Variants in RNF2 observed in about 807,000 individuals in gnomAD.
RNF2 encodes ring finger protein 2, also known as E3 ubiquitin-protein ligase RING2.
A neutral mutation model predicts 37.2 loss-of-function variants in RNF2; 6 were observed. The ratio of observed to expected loss-of-function variants is 0.16; its 90% CI spans 0.09 to 0.32. RNF2 has a LOEUF of 0.32. RNF2 is among the 10% of genes least tolerant of loss of function. The pLI is 1.00. For missense variants in RNF2, 251 were observed against 404.0 expected, an observed-to-expected ratio of 0.62 and a Z score of 3.25; for synonymous variants, 133 against 132.7, an observed-to-expected ratio of 1.00 and a Z score of -0.02.
chr1:185,095,599 T>C lies in RNF2; in HGVS notation c.464+2323T>C, dbSNP rs114020823. Among the ~76,000 whole-genome samples, 488 of 152,350 alleles carry C rather than the reference T, an allele frequency of 3.2e-3. 2 individuals are homozygous for C. The highest frequency in any genetic ancestry group is 0.011 in the African/African-American group (462 of 41,580). On this transcript the variant is annotated intron_variant, in intron 4 of 6. Transcript: ENST00000367510. ...GAGGGAAGAGACTATGTCAGTATCATTGATTCTTATTAACACCATTATTTA... is the reference window on the plus strand; with the variant it reads ...GAGGGAAGAGACTATGTCAGTATCACTGATTCTTATTAACACCATTATTTA...
intron 2 of RNF2, among the ~76,000 whole-genome samples, chr1:185,087,887 T>C (rs1232393406): frequency 6.6e-6 from 1 of 152,236 alleles, no homozygotes. Context: ...AACCATGGAC[T>C]TTACAGACAT....
chr1:185,087,568 G>A lies in RNF2; in HGVS notation c.15G>A (p.Val5=), dbSNP rs1486739622. 1.2e-6 allele frequency: 2 copies of A among 1,613,944 alleles called. No individual in the cohort carries two copies. Among genetic ancestry groups the A allele is most frequent in the African/African-American group, 2.7e-5 (2 of 74,918 alleles). Reference sequence around the variant, plus strand: ...TATTTCCAGCAATGTCTCAGGCTGTGCAGACAAACGGAACTCAACCATTAA... The same window carrying A: ...TATTTCCAGCAATGTCTCAGGCTGTACAGACAAACGGAACTCAACCATTAA... MSQA[V]QTNGTQPLSK... The change falls in exon 2 of 7, where the codon GTG becomes GTA. Residue 5 remains valine (V), a synonymous_variant. Transcript: ENST00000367510.
chr1:185,045,895 C>T (rs1650100132), intron 1 of RNF2, among the ~76,000 whole-genome samples: 1 of 152,018 alleles, frequency 6.6e-6, no homozygotes. Flanking sequence ...AGCTGGTTTG[C>T]GGAGGACCCA....
At chr1:185,051,831 GTA>G (rs143934029) in intron 1 of RNF2, among the ~76,000 whole-genome samples, 2,548 of 146,288 alleles carry the variant, frequency 0.017, 85 homozygotes, top group African/African-American at 0.06. Flanking sequence ...CACATTTTAT[GTA>G]TATATGTATA....
rs3036553 is a variant in RNF2 at position 185,082,345 on chromosome 1, CTTT to C, written c.-2-5187_-2-5185del. ...CAAGGTTCTTGTCTCCTCTGCAGAA[CTTT>C]TTTTTTTTTTTTTTTTTTTGAAGAC... On this transcript the variant is annotated intron_variant, in intron 1 of 6. Coordinates refer to ENST00000367510, the MANE Select transcript of RNF2 (RefSeq NM_007212.4). Among the ~76,000 whole-genome samples the C allele has an allele frequency of 5.0e-3, 362 of 71,960 alleles. 7 individuals are homozygous for C. Among genetic ancestry groups the C allele is most frequent in the East Asian group, 0.012 (22 of 1,788 alleles). The allele number at this position is 71,960 out of a possible 152,430, so 47.2% of individuals were successfully genotyped here. A position where few individuals can be genotyped will look rare whatever the true frequency, so the allele number is the denominator to read the frequency against.
chr1:185,084,085 G>T (rs1173955356), intron 1 of RNF2, among the ~76,000 whole-genome samples: 1 of 151,926 alleles, frequency 6.6e-6, no homozygotes, highest in Non-Finnish European at 1.5e-5. Context: ...AAAACTACAG[G>T]CACACACCAT....
intron 1 of RNF2, among the ~76,000 whole-genome samples, chr1:185,065,428 T>G (rs1019221551): frequency 6.6e-6 from 1 of 152,184 alleles, no homozygotes; most frequent in African/African-American, 2.4e-5. Context: ...GTTGTTTTGC[T>G]CCTCACAATA....
At chr1:185,084,316 T>C (rs765187113) in intron 1 of RNF2, among the ~76,000 whole-genome samples, 1 of 152,168 alleles carries the variant, frequency 6.6e-6, no homozygotes, top group East Asian at 1.9e-4. Flanking sequence ...ATTGTAGCAA[T>C]TTTAAATGAG....
chr1:185,076,814 T>C (rs1651181101), intron 1 of RNF2, among the ~76,000 whole-genome samples: 3 of 152,102 alleles, frequency 2.0e-5, no homozygotes, highest in Non-Finnish European at 2.9e-5. Flanking sequence ...CTTTAATGTT[T>C]GTTTTAAGGT....
intron 1 of RNF2, chr1:185,071,821 G>T (rs1453264190): frequency 1.3e-5 from 2 of 152,890 alleles, no homozygotes; most frequent in East Asian, 3.8e-4. Flanking sequence ...TCTTCAACCT[G>T]CCCTCCCATT....
chr1:185,099,421 G>A (rs1444019080), intron 5 of RNF2, among the ~76,000 whole-genome samples: 1 of 152,140 alleles, frequency 6.6e-6, no homozygotes, highest in Non-Finnish European at 1.5e-5. Flanking sequence ...CTTCTATTCT[G>A]TTTCTGTTGC....
At chr1:185,089,513 A>G (rs1651704980) in intron 2 of RNF2, among the ~76,000 whole-genome samples, 1 of 152,120 alleles carries the variant, frequency 6.6e-6, no homozygotes, top group South Asian at 2.1e-4. Flanking sequence ...AGTAGATTGT[A>G]CAAGTTTGAG....
intron 1 of RNF2, among the ~76,000 whole-genome samples, chr1:185,081,139 A>G (rs888643180): frequency 2.2e-4 from 33 of 152,340 alleles, no homozygotes; most frequent in Admixed American, 1.4e-3. Flanking sequence ...GCTCAAACAC[A>G]TCTTTATTAA....
intron 1 of RNF2, among the ~76,000 whole-genome samples, chr1:185,084,394 AG>A (rs1292971965): frequency 1.3e-5 from 2 of 152,084 alleles, no homozygotes. Context: ...ATTTTTGGGG[AG>A]GGAATAGAGA....
At chr1:185,067,151 G>A (rs908500359) in intron 1 of RNF2, among the ~76,000 whole-genome samples, 4 of 152,178 alleles carry the variant, frequency 2.6e-5, no homozygotes, top group Non-Finnish European at 5.9e-5. Context: ...AAATAAAGAA[G>A]CTATTAGGCT....
At chr1:185,073,077 CT>C (rs1392547028) in intron 1 of RNF2, among the ~76,000 whole-genome samples, 1 of 118,332 alleles carries the variant, frequency 8.5e-6, no homozygotes, top group East Asian at 2.5e-4. Flanking sequence ...TTTTTTTTTA[CT>C]TAATGTGTGT....
chr1:185,101,437 A>G lies in RNF2; in HGVS notation c.*1136A>G, dbSNP rs1652074605. The G allele has an allele frequency of 6.6e-6, 1 of 152,572 alleles. No individual in the cohort carries two copies. Among genetic ancestry groups the G allele is most frequent in the Non-Finnish European group, 1.5e-5 (1 of 67,986 alleles). 9.5% of individuals were successfully genotyped at this position (152,572 alleles called of 1,614,324 possible). The stretch of plus-strand genomic sequence containing the variant: ...GTAGAAAAACGTCAGCCAGTAGGGT[A>G]AAGTCATTCTACTGTTCTTAATTTT... On this transcript the variant is annotated 3_prime_UTR_variant, in exon 7 of 7. Transcript: ENST00000367510.
At chr1:185,078,277 A>T (rs1384696668) in intron 1 of RNF2, among the ~76,000 whole-genome samples, 1 of 152,024 alleles carries the variant, frequency 6.6e-6, no homozygotes, top group Non-Finnish European at 1.5e-5. Flanking sequence ...TTCAAGTTTG[A>T]TTTCCTCTTC....
At chr1:185,075,469 A>G (rs1651118949) in intron 1 of RNF2, among the ~76,000 whole-genome samples, 1 of 152,118 alleles carries the variant, frequency 6.6e-6, no homozygotes, top group African/African-American at 2.4e-5. Context: ...TTCTGCACAC[A>G]CTTTTAAACA....
Sources: allele counts gnomAD v4.1 joint callset (sites outside exome capture counted in the v4.1 genomes callset), GRCh38; gene constraint gnomAD v4.1.1; transcripts MANE v1.5; gene names NCBI Gene and HGNC (gene_info 2026-07-23, HGNC 2026-07-21).